The following NUAK2 variants were observed in gnomAD, a reference collection of about 807,000 sequenced individuals.
NUAK2 encodes NUAK family SNF1-like kinase 2.
NUAK2 carries 20 observed loss-of-function variants against 29.8 expected under a neutral mutation model. That is an observed-to-expected ratio of 0.67 (90% CI 0.47 to 0.98). The LOEUF is 0.98. Among genes scored for constraint, NUAK2 ranks in the 50% least tolerant of loss-of-function variants. The pLI, the probability that NUAK2 is intolerant of heterozygous loss-of-function variation, is 0.00. For synonymous variants in NUAK2, 331 were observed against 342.6 expected (o/e 0.97, Z 0.37); for missense variants, 719 against 834.5 (o/e 0.86, Z 1.71).
chr1:205,307,172 C>G (rs1662193985), intron 4 of NUAK2, among the ~76,000 whole-genome samples: 1 of 152,188 alleles, frequency 6.6e-6, no homozygotes, highest in Non-Finnish European at 1.5e-5. Flanking sequence ...CTCCCCACCT[C>G]TTCACCACAT....
chr1:205,306,827 G>A (rs976826114), intron 4 of NUAK2, among the ~76,000 whole-genome samples: 1 of 152,154 alleles, frequency 6.6e-6, no homozygotes, highest in Non-Finnish European at 1.5e-5. Flanking sequence ...CAGATGGAGG[G>A]GGAAAGCCAG....
intron 1 of NUAK2, among the ~76,000 whole-genome samples, chr1:205,320,287 C>G (rs1662393334): frequency 6.6e-6 from 1 of 151,910 alleles, no homozygotes; most frequent in African/African-American, 2.4e-5. Flanking sequence ...GTTTTTGAGA[C>G]GGAGTCTCGC....
In NUAK2 at chr1:205,303,334, C is replaced by A. The variant is rs1012165121; in HGVS notation, c.*116G>T. 3.2e-6 allele frequency: 3 copies of A among 924,438 alleles called. No individual in the cohort carries two copies. In the African/African-American group the frequency reaches 5.1e-5, roughly 16 times the overall value. 57.3% of individuals were successfully genotyped at this position (924,438 alleles called of 1,614,324 possible). On this transcript the variant is annotated 3_prime_UTR_variant, in exon 7 of 7. Coordinates refer to ENST00000367157, the MANE Select transcript of NUAK2 (RefSeq NM_030952.3). ...TGCTCAGGGCTCCACTGCAAACCCT[C>A]TCAGCCTTCTGAGCTGGGATGCAGG... is the stretch of plus-strand genomic sequence containing the variant.
Position 205,303,631 on chromosome 1 carries a change from C to T in NUAK2, c.1706G>A (p.Arg569Gln), listed in dbSNP as rs745457075. ...GAGGTTGTCCACAGACACACAGCCC[C>T]GCAGTGGGGGCTCTGGGAGCCGTTC... ...LPERLPEPPL[R>Q]GCVSVDNLTG... is the part of the protein sequence containing the mutation. Residue 569 changes from arginine to glutamine, a missense_variant, in exon 7 of 7, where the codon CGG becomes CAG. Arg to Gln is a conservative substitution (Grantham distance 43). Coordinates refer to ENST00000367157, the MANE Select transcript of NUAK2 (RefSeq NM_030952.3). The T allele has an allele frequency of 6.3e-6, 10 of 1,596,888 alleles. No individual in the cohort carries two copies. Among genetic ancestry groups the T allele is most frequent in the South Asian group, 2.2e-5 (2 of 89,404 alleles).
chr1:205,308,140 T>A lies in NUAK2; in HGVS notation c.570+25A>T, dbSNP rs756198761. 3.9e-6 allele frequency: 6 copies of A among 1,544,176 alleles called. No homozygotes were observed. The highest frequency in any genetic ancestry group is 5.3e-6 in the Non-Finnish European group (6 of 1,122,248). ...AAAAGCTGGGGTGGGCAAGGAGGCTTCTAGAAATAAGAAGTGGGACTCACC... is the reference window on the plus strand; with the variant it reads ...AAAAGCTGGGGTGGGCAAGGAGGCTACTAGAAATAAGAAGTGGGACTCACC... On this transcript the variant is annotated intron_variant, in intron 4 of 6. Coordinates refer to ENST00000367157, the MANE Select transcript of NUAK2 (RefSeq NM_030952.3). The surrounding 1 kb of genome is among the most constrained non-coding windows in gnomAD (Gnocchi z 4.1).
chr1:205,321,525 A>C lies in NUAK2; in HGVS notation c.104T>G (p.Met35Arg). 2 of 1,613,806 alleles carry C rather than the reference A, an allele frequency of 1.2e-6. No individual in the cohort carries two copies. Among genetic ancestry groups the C allele is most frequent in the Non-Finnish European group, 1.7e-6 (2 of 1,179,864 alleles). The change falls in exon 1 of 7, where the codon ATG becomes AGG. Residue 35 changes from methionine to arginine, a missense_variant. Met to Arg is a moderately conservative substitution (Grantham distance 91). Transcript: ENST00000367157. ...GTGCCGCTTCACCGCCTGCTTCTTC[A>C]TTAGGGGCTTGGGCGACTTGATCAG... is the stretch of plus-strand genomic sequence containing the variant. ...EGLIKSPKPL[M>R]KKQAVKRHHH...
chr1:205,321,585 G>C lies in NUAK2; in HGVS notation c.44C>G (p.Ser15Trp). ...VFARRSGPTP[S>W]AAELARPLAE... ...CAGCGGCCGGGCTAGCTCTGCGGCC[G>C]AGGGAGTGGGGCCGGAGCGCCGCGC... Residue 15 changes from serine to tryptophan, a missense_variant, in exon 1 of 7, where the codon TCG becomes TGG. Ser to Trp is a radical substitution (Grantham distance 177, BLOSUM62 -3). Coordinates refer to ENST00000367157, the MANE Select transcript of NUAK2 (RefSeq NM_030952.3). The C allele has an allele frequency of 6.2e-7, 1 of 1,612,898 alleles. No individual in the cohort carries two copies. The highest frequency in any genetic ancestry group is 8.5e-7 in the Non-Finnish European group (1 of 1,179,840).
At chr1:205,305,119 T>A in intron 6 of NUAK2, 80 bp downstream of exon 6, 1 of 1,537,122 alleles carries the variant, frequency 6.5e-7, no homozygotes, top group Non-Finnish European at 8.8e-7. Context: ...TTGACTTTAG[T>A]GCCACTGTGT....
rs1052879977 is a variant in NUAK2 at position 205,308,968 on chromosome 1, G to A, written c.353-236C>T. On this transcript the variant is annotated intron_variant, in intron 2 of 6. Coordinates refer to ENST00000367157, the MANE Select transcript of NUAK2 (RefSeq NM_030952.3). The surrounding 1 kb of genome is among the most constrained non-coding windows in gnomAD (Gnocchi z 4.1). ...AGACACTGGCTCATCCTCTGCCTCC[G>A]TGGAAGTTCAGGCTTTTGGGAATTC... 3.9e-5 allele frequency among the ~76,000 whole-genome samples: 6 copies of A among 152,028 alleles called. No homozygotes were observed. Among genetic ancestry groups the A allele is most frequent in the African/African-American group, 1.2e-4 (5 of 41,376 alleles).
rs1198746899 is a variant in NUAK2 at position 205,304,379 on chromosome 1, C to G, written c.958G>C (p.Gly320Arg). 9.3e-6 allele frequency: 15 copies of G among 1,609,190 alleles called. No individual in the cohort carries two copies. Among genetic ancestry groups the G allele is most frequent in the Non-Finnish European group, 1.3e-5 (15 of 1,177,246 alleles). ...RVGEQEAPHE[G>R]GHPGSDSARA... is the part of the protein sequence containing the mutation. ...GCAGAGTCACTGCCAGGGTGCCCAC[C>G]CTCATGCGGAGCCTCCTGCTCTCCC... Residue 320 changes from glycine (G) to arginine (R), a missense_variant, in exon 7 of 7, where the codon GGT becomes CGT. Gly to Arg is a moderately radical substitution (Grantham distance 125). Coordinates refer to ENST00000367157, the MANE Select transcript of NUAK2 (RefSeq NM_030952.3). This position sits in a 1 kb window ranked among gnomAD's most constrained non-coding sequence, Gnocchi z 6.5.
chr1:205,311,935 C>T, intron 1 of NUAK2, 110 bp from the exon 2 acceptor site: 5 of 1,368,346 alleles, frequency 3.7e-6, no homozygotes, highest in Non-Finnish European at 5.1e-6. Context: ...AGAGTACACC[C>T]ATAGAAGCCA....
Position 205,303,305 on chromosome 1 carries a change from G to A in NUAK2, c.*145C>T, listed in dbSNP as rs1488133539. The stretch of plus-strand genomic sequence containing the variant: ...TTCATTTGCCTACTTCCCATATCCA[G>A]CCCTGCTCAGGGCTCCACTGCAAAC... On this transcript the variant is annotated 3_prime_UTR_variant, in exon 7 of 7. Coordinates refer to ENST00000367157, the MANE Select transcript of NUAK2 (RefSeq NM_030952.3). The A allele has an allele frequency of 1.6e-6, 1 of 625,894 alleles. No individual in the cohort carries two copies. The highest frequency in any genetic ancestry group is 3.0e-5 in the East Asian group (1 of 32,964). The allele number at this position is 625,894 out of a possible 1,614,324, so 38.8% of individuals were successfully genotyped here.
chr1:205,316,395 T>C (rs1004169764), intron 1 of NUAK2, among the ~76,000 whole-genome samples: 3 of 152,148 alleles, frequency 2.0e-5, no homozygotes, highest in African/African-American at 7.2e-5. Context: ...TCCATTCTAT[T>C]GTGATAAATG....
intron 1 of NUAK2, among the ~76,000 whole-genome samples, chr1:205,320,932 A>G (rs982942599): frequency 3.9e-5 from 6 of 152,212 alleles, no homozygotes; most frequent in African/African-American, 1.4e-4. Context: ...CTGGGTTGCC[A>G]GATTCTTGGA....
chr1:205,315,965 T>A (rs1037942707), intron 1 of NUAK2, among the ~76,000 whole-genome samples: 8 of 152,196 alleles, frequency 5.3e-5, no homozygotes, highest in African/African-American at 1.9e-4. Flanking sequence ...GAAGGCCACA[T>A]GCCTGAGACA....
At chr1:205,313,996 G>A (rs1239622466) in intron 1 of NUAK2, among the ~76,000 whole-genome samples, 1 of 152,232 alleles carries the variant, frequency 6.6e-6, no homozygotes, top group Non-Finnish European at 1.5e-5. Flanking sequence ...GAGAAAAAAG[G>A]AAACCCCTGC....
Position 205,303,806 on chromosome 1 carries a change from T to C in NUAK2, c.1531A>G (p.Thr511Ala). ...GTGGGGGCCGCGAGCTCCAAGGCTG[T>C]CTGGGAGAACTTGCCATTGAGTTTG... Reference protein sequence around the residue: ...ILKLNGKFSQTALELAAPTTF... With the variant: ...ILKLNGKFSQAALELAAPTTF... Residue 511 changes from threonine to alanine, a missense_variant, in exon 7 of 7, where the codon ACA (threonine) becomes GCA (alanine). Coordinates refer to ENST00000367157, the MANE Select transcript of NUAK2 (RefSeq NM_030952.3). 6.3e-7 allele frequency: 1 copy of C among 1,591,034 alleles called. No individual in the cohort carries two copies. The highest frequency in any genetic ancestry group is 8.6e-7 in the Non-Finnish European group (1 of 1,168,076).
chr1:205,321,314 G>A, intron 1 of NUAK2, 84 bp downstream of exon 1: 1 of 1,243,410 alleles, frequency 8.0e-7, no homozygotes, highest in Non-Finnish European at 1.1e-6. Flanking sequence ...CGAGCAACGA[G>A]CGAGCCGCCG....
rs549855734 is a variant in NUAK2 at position 205,303,724 on chromosome 1, C to T, written c.1613G>A (p.Arg538Gln). ...GTCCTCGCTCACAGCCCCTGAGGGTCGGCTGGCCCGGGCCAGGGGGCGAGG... is the reference window on the plus strand; with the variant it reads ...GTCCTCGCTCACAGCCCCTGAGGGTTGGCTGGCCCGGGCCAGGGGGCGAGG... ...APPRPLARAS[R>Q]PSGAVSEDSI... The change falls in exon 7 of 7, where the codon CGA (arginine) becomes CAA (glutamine). Residue 538 changes from arginine (R) to glutamine (Q), a missense_variant. This residue lies in a region of NUAK2 where 430 missense variants were observed against 465.7 expected (regional missense o/e 0.92). Transcript: ENST00000367157. 35 of 1,537,648 alleles carry T rather than the reference C, an allele frequency of 2.3e-5. No individual in the cohort carries two copies. The highest frequency in any genetic ancestry group is 6.4e-5 in the South Asian group (5 of 78,310).
Sources: allele counts gnomAD v4.1 joint callset (sites outside exome capture counted in the v4.1 genomes callset), GRCh38; gene constraint gnomAD v4.1.1; regional missense constraint gnomAD v4.1.1; non-coding constraint Gnocchi (gnomAD v3.1); transcripts MANE v1.5; gene names NCBI Gene and HGNC (gene_info 2026-07-23, HGNC 2026-07-21).